GNPTG: variants seen among roughly 807,000 people sequenced by gnomAD.
The protein encoded by GNPTG is N-acetylglucosamine-1-phosphotransferase subunit gamma.
Under a neutral mutation model 43.8 loss-of-function variants are expected in GNPTG, and 46 were observed. That is an observed-to-expected ratio of 1.05 (90% CI 0.83 to 1.34). The LOEUF (loss-of-function observed/expected upper bound fraction) is 1.34. Ranked by LOEUF, GNPTG falls within the 40% of genes most tolerant of loss-of-function variation. GNPTG has a pLI of 0.00. For missense variants in GNPTG, 549 were observed against 411.3 expected (o/e 1.33, Z -2.90); for synonymous variants, 250 against 172.8 (o/e 1.45, Z -3.50).
chr16:1,361,334 C>A, intron 3 of GNPTG: 1 of 262,758 alleles, frequency 3.8e-6, no homozygotes, highest in Non-Finnish European at 7.5e-6. Flanking sequence ...CTTTGAACGT[C>A]TTGTGCTTTT....
At chr16:1,353,337 G>A (rs2034718310) in intron 3 of GNPTG, among the ~76,000 whole-genome samples, 1 of 152,096 alleles carries the variant, frequency 6.6e-6, no homozygotes, top group Admixed American at 6.5e-5. Flanking sequence ...TTGCAGAAAC[G>A]AACACAGATA....
chr16:1,363,607 G>A lies in GNPTG; in HGVS notation c.*516G>A, dbSNP rs566657373. ...CCCCGTGCCCGCCATGGCCACAGGG[G>A]GGAGCTGCTGGGCGCGCCTCCACCT... On this transcript the variant is annotated 3_prime_UTR_variant, in exon 11 of 11. Transcript: ENST00000204679. 3 of 208,892 alleles carry A rather than the reference G, an allele frequency of 1.4e-5. No homozygotes were observed. The East Asian group carries it at 3.9e-4, about 27-fold the overall frequency. 12.9% of individuals were successfully genotyped at this position (208,892 alleles called of 1,614,324 possible).
At position 1,362,337 on chromosome 16, in the gene GNPTG, C is replaced by T; in HGVS notation, c.526+17C>T. On this transcript the variant is annotated intron_variant, in intron 7 of 10. Coordinates refer to ENST00000204679, the MANE Select transcript of GNPTG (RefSeq NM_032520.5). ...CCTTGCTAGGTAGGGGTGCGGGACG[C>T]AGTTGAGCCCAGTGGGGTCAGCCGC... 2.5e-6 allele frequency: 4 copies of T among 1,611,274 alleles called. No homozygotes were observed. The highest frequency in any genetic ancestry group is 3.4e-6 in the Non-Finnish European group (4 of 1,178,598).
intron 3 of GNPTG, among the ~76,000 whole-genome samples, chr16:1,353,526 CTTTT>C (rs1464167670): frequency 2.0e-5 from 3 of 152,158 alleles, no homozygotes; most frequent in Non-Finnish European, 2.9e-5. Flanking sequence ...TGGGGGATCG[CTTTT>C]TTTATTTTTT....
chr16:1,361,439 T>C, intron 3 of GNPTG: 1 of 373,526 alleles, frequency 2.7e-6, no homozygotes, highest in Non-Finnish European at 5.2e-6. Flanking sequence ...GGTCAGGAGA[T>C]CGAGACCATC....
rs1161652552 is a variant in GNPTG, at chr16:1,351,970, C to T, written c.5C>T (p.Ala2Val). The T allele has an allele frequency of 2.4e-5, 32 of 1,314,858 alleles. No homozygotes were observed. In the Middle Eastern group the frequency reaches 8.5e-4, roughly 35 times the overall value. The allele number at this position is 1,314,858 out of a possible 1,614,324, so 81.4% of individuals were successfully genotyped here. A position where few individuals can be genotyped will look rare whatever the true frequency, so the allele number is the denominator to read the frequency against. Residue 2 changes from alanine to valine, a missense_variant, in exon 1 of 11, where the codon GCG becomes GTG. By Grantham distance (64) the Ala-to-Val change is moderately conservative. Transcript: ENST00000204679. The stretch of plus-strand genomic sequence containing the variant: ...CGCGGCGGCCGCTGCGGCGCGATGG[C>T]GGCGGGGCTGGCGCGGCTCCTGTTG... MAAGLARLLLLL... is the reference protein window; with the variant it reads MVAGLARLLLLL...
At chr16:1,354,633 A>G (rs980552514) in intron 3 of GNPTG, among the ~76,000 whole-genome samples, 3 of 149,036 alleles carry the variant, frequency 2.0e-5, no homozygotes, top group African/African-American at 7.4e-5. Flanking sequence ...AGAAAAGAAT[A>G]CCTCTTCTAG....
At chr16:1,353,136 C>A (rs1387346263) in intron 3 of GNPTG, among the ~76,000 whole-genome samples, 5 of 152,184 alleles carry the variant, frequency 3.3e-5, no homozygotes, top group Non-Finnish European at 2.9e-5. Flanking sequence ...TCACGCCCAG[C>A]AAATTTTTGT....
intron 3 of GNPTG, among the ~76,000 whole-genome samples, chr16:1,360,289 C>T (rs559941540): frequency 3.9e-5 from 6 of 152,256 alleles, no homozygotes; most frequent in Non-Finnish European, 8.8e-5. Context: ...GAATACTTTT[C>T]CATACCTTCA....
chr16:1,362,023 C>CCCGTGT lies in GNPTG; in HGVS notation c.318-13_318-8dup. Reference sequence around the variant, plus strand: ...TCCCCACCCGGCCTCACGTGCCGTGCCCGTGTCTCCCCAGCATCTGGCACG... The same window carrying CCCGTGT: ...TCCCCACCCGGCCTCACGTGCCGTGCCCGTGTCCGTGTCTCCCCAGCATCTGGCACG... On this transcript the variant is annotated splice_polypyrimidine_tract_variant and intron_variant, in intron 5 of 10. Coordinates refer to ENST00000204679, the MANE Select transcript of GNPTG (RefSeq NM_032520.5). 2 of 1,612,644 alleles carry CCCGTGT rather than the reference C, an allele frequency of 1.2e-6. No individual in the cohort carries two copies. The highest frequency in any genetic ancestry group is 1.7e-6 in the Non-Finnish European group (2 of 1,179,668).
intron 3 of GNPTG, 150 bp downstream of exon 3, chr16:1,352,456 A>G: frequency 1.3e-6 from 1 of 797,312 alleles, no homozygotes; most frequent in Non-Finnish European, 2.1e-6. Flanking sequence ...ACGAGAGAAT[A>G]TACCAGAACG....
intron 3 of GNPTG, among the ~76,000 whole-genome samples, chr16:1,354,820 C>T (rs1009220548): frequency 2.0e-5 from 3 of 152,180 alleles, no homozygotes; most frequent in Admixed American, 1.3e-4. Flanking sequence ...TTTCTCCAGA[C>T]CATTTTTTCC....
chr16:1,361,860 C>T lies in GNPTG; in HGVS notation c.234-12C>T. Reference sequence around the variant, plus strand: ...AGCCTGCGGACCCCCCTCATGCCATCTGTGTCCCCAGGTACAAGTATGAGT... The same window carrying T: ...AGCCTGCGGACCCCCCTCATGCCATTTGTGTCCCCAGGTACAAGTATGAGT... On this transcript the variant is annotated splice_polypyrimidine_tract_variant and intron_variant, in intron 4 of 10. Transcript: ENST00000204679. 6.2e-7 allele frequency: 1 copy of T among 1,613,990 alleles called. No individual in the cohort carries two copies. Among genetic ancestry groups the T allele is most frequent in the East Asian group, 2.2e-5 (1 of 44,868 alleles).
intron 3 of GNPTG, 70 bp downstream of exon 3, chr16:1,352,376 G>A: frequency 6.9e-7 from 1 of 1,445,360 alleles, no homozygotes; most frequent in Non-Finnish European, 9.5e-7. Flanking sequence ...GGATGGATGA[G>A]TGACCCTGAG....
intron 3 of GNPTG, among the ~76,000 whole-genome samples, chr16:1,354,585 C>CAAAAAAAAAAAAAA (rs869067502): frequency 0.047 from 2,074 of 44,244 alleles, 210 homozygotes; most frequent in East Asian, 0.1. Context: ...GACTTCGTCT[C>CAAAAAAAAAAAAAA]AAAAAAAAAA....
At chr16:1,360,615 C>G (rs912065035) in intron 3 of GNPTG, 3 of 152,196 alleles carry the variant, frequency 2.0e-5, no homozygotes, top group Non-Finnish European at 4.4e-5. Flanking sequence ...CAGAGTGAGA[C>G]TGTCTCCAAA....
chr16:1,352,470 T>G, intron 3 of GNPTG, 164 bp downstream of exon 3: 2 of 724,976 alleles, frequency 2.8e-6, no homozygotes, highest in Non-Finnish European at 2.4e-6. Flanking sequence ...CAGAACGTTC[T>G]TGTAGCGAAT....
intron 3 of GNPTG, chr16:1,358,286 C>G (rs1053355043): frequency 6.6e-6 from 1 of 152,428 alleles, no homozygotes; most frequent in Non-Finnish European, 1.5e-5. Flanking sequence ...CCCAGCTGCC[C>G]CGCTCCCCCA....
In GNPTG at chr16:1,352,144, A is replaced by G; in HGVS notation, c.95A>G (p.Glu32Gly). ...GCAGCGAAGATGAAGGTGGTGGAGG[A>G]GCCCAACGCGTTTGGGTGAGCAGCC... is the stretch of plus-strand genomic sequence containing the variant. ...AGAAKMKVVEEPNAFGVNNPF... is the reference protein window; with the variant it reads ...AGAAKMKVVEGPNAFGVNNPF... The change falls in exon 2 of 11, where the codon GAG becomes GGG. Residue 32 changes from glutamate to glycine, a missense_variant. Transcript: ENST00000204679. The G allele has an allele frequency of 1.3e-6, 2 of 1,581,680 alleles. No homozygotes were observed. Among genetic ancestry groups the G allele is most frequent in the Non-Finnish European group, 1.7e-6 (2 of 1,165,610 alleles).
Sources: gnomAD v4.1 joint callset for allele counts (sites outside exome capture counted in the v4.1 genomes callset) on GRCh38, gnomAD v4.1.1 for gene constraint, MANE v1.5 for transcripts, NCBI Gene and HGNC (gene_info 2026-07-23, HGNC 2026-07-21) for gene names.